SCN4A: variants seen among roughly 807,000 people sequenced by gnomAD.
The protein encoded by SCN4A is sodium voltage-gated channel alpha subunit 4.
A neutral mutation model predicts 162.0 loss-of-function variants in SCN4A; 83 were observed. The observed-to-expected ratio is 0.51, with a 90% CI of 0.43 to 0.61. The LOEUF (loss-of-function observed/expected upper bound fraction) is 0.61, where lower values mean the gene tolerates loss of function less well. SCN4A is among the 20% of genes least tolerant of loss of function. The pLI, the probability that SCN4A is intolerant of heterozygous loss-of-function variation, is 0.00. For synonymous variants in SCN4A, 944 were observed against 985.1 expected (o/e 0.96, Z 0.78); for missense variants, 2,196 against 2,462.5 (o/e 0.89, Z 2.29).
At position 63,951,120 on chromosome 17, in the gene SCN4A, A is replaced by G. The variant is rs1281375628; in HGVS notation, c.2853+304T>C. On this transcript the variant is annotated intron_variant, in intron 14 of 23. Transcript: ENST00000435607. This position sits in a 1 kb window ranked among gnomAD's most constrained non-coding sequence, Gnocchi z 4.5. Reference sequence around the variant, plus strand: ...GCTGCGGTGCCCAGGTAAAAGCAGCATGTCCAAGGGCACCACCTGCTGGTG... The same window carrying G: ...GCTGCGGTGCCCAGGTAAAAGCAGCGTGTCCAAGGGCACCACCTGCTGGTG... Among the ~76,000 whole-genome samples, 2 of 152,214 alleles carry G rather than the reference A, an allele frequency of 1.3e-5. No homozygotes were observed. Among genetic ancestry groups the G allele is most frequent in the African/African-American group, 4.8e-5 (2 of 41,434 alleles).
chr17:63,972,750 C>G lies in SCN4A; in HGVS notation c.92G>C (p.Arg31Pro), dbSNP rs112142736. 1 of 1,613,776 alleles carries G rather than the reference C, an allele frequency of 6.2e-7. No homozygotes were observed. The highest frequency in any genetic ancestry group is 8.5e-7 in the Non-Finnish European group (1 of 1,179,828). ...CAGCCGGGCCTCCTCCTCCACCGCC[C>G]GCTGTTCTATGGCTGCCAGTGACTC... Reference protein sequence around the residue: ...TRESLAAIEQRAVEEEARLQR... With the variant: ...TRESLAAIEQPAVEEEARLQR... Residue 31 changes from arginine to proline, a missense_variant, in exon 1 of 24, where the codon CGG becomes CCG. By Grantham distance (103) the Arg-to-Pro change is moderately radical. Transcript: ENST00000435607. This position sits in a 1 kb window ranked among gnomAD's most constrained non-coding sequence, Gnocchi z 4.3.
At chr17:63,963,141 T>C (rs1169987834) in intron 10 of SCN4A, among the ~76,000 whole-genome samples, 2 of 152,234 alleles carry the variant, frequency 1.3e-5, no homozygotes, top group Non-Finnish European at 2.9e-5. Context: ...TCGTGTCGTG[T>C]CTATTCACCC....
rs1297965202 is a variant in SCN4A, at chr17:63,966,543, C to G, written c.1038G>C (p.Gly346=). The G allele has an allele frequency of 6.2e-7, 1 of 1,613,580 alleles. No homozygotes were observed. Among genetic ancestry groups the G allele is most frequent in the South Asian group, 1.1e-5 (1 of 91,062 alleles). The change falls in exon 7 of 24, where the codon GGG becomes GGC. Residue 346 remains glycine, a splice_region_variant and synonymous_variant. Coordinates refer to ENST00000435607, the MANE Select transcript of SCN4A (RefSeq NM_000334.4). The part of the protein sequence containing the change: ...FDWDAYISDE[G]NFYFLEGSND... The stretch of plus-strand genomic sequence containing the variant: ...TGGAGCCCTCCAGGAAGTAGAAGTT[C>G]CCTTTGGGAGTCAGAGGCCACAAAG...
rs374278037 is a variant in SCN4A, at chr17:63,941,742, C to T, written c.4540G>A (p.Asp1514Asn). 17 of 1,613,940 alleles carry T rather than the reference C, an allele frequency of 1.1e-5. No individual in the cohort carries two copies. Among genetic ancestry groups the T allele is most frequent in the Admixed American group, 1.7e-5 (1 of 59,982 alleles). Residue 1514 changes from aspartate (D) to asparagine (N), a missense_variant, in exon 24 of 24, where the codon GAT becomes AAT. Transcript: ENST00000435607. This position sits in a 1 kb window ranked among gnomAD's most constrained non-coding sequence, Gnocchi z 6.2. ...FAYVKKESGIDDMFNFETFGN... is the reference protein window; with the variant it reads ...FAYVKKESGINDMFNFETFGN... Reference sequence around the variant, plus strand: ...AAGGTCTCGAAGTTGAACATATCATCGATGCCCGACTCCTTCTTGACGTAG... The same window carrying T: ...AAGGTCTCGAAGTTGAACATATCATTGATGCCCGACTCCTTCTTGACGTAG...
At chr17:63,967,876 T>A (rs546594132) in intron 6 of SCN4A, 147 bp downstream of exon 6, 5 of 688,426 alleles carry the variant, frequency 7.3e-6, no homozygotes, top group Non-Finnish European at 1.2e-5. Flanking sequence ...GAGGTTGTAG[T>A]GAGCTGAGAT....
rs1909346195 is a variant in SCN4A, at chr17:63,963,781, G to A, written c.1497C>T (p.Asp499=). 4 of 1,607,088 alleles carry A rather than the reference G, an allele frequency of 2.5e-6. No homozygotes were observed. The highest frequency in any genetic ancestry group is 1.3e-5 in the African/African-American group (1 of 74,814). The part of the protein sequence containing the change: ...QALEGGEADG[D]PAHGKDCNGS... ...CATTGCAGTCTTTGCCATGGGCTGG[G>A]TCCCCATCTGCCTCCCCACCTTCCA... Residue 499 remains aspartate, a synonymous_variant, in exon 10 of 24, where the codon GAC becomes GAT. Coordinates refer to ENST00000435607, the MANE Select transcript of SCN4A (RefSeq NM_000334.4).
At position 63,951,251 on chromosome 17, in the gene SCN4A, G is replaced by A. The variant is rs1055228310; in HGVS notation, c.2853+173C>T. Among the ~76,000 whole-genome samples the A allele has an allele frequency of 6.6e-6, 1 of 152,192 alleles. No homozygotes were observed. Among genetic ancestry groups the A allele is most frequent in the Non-Finnish European group, 1.5e-5 (1 of 68,032 alleles). On this transcript the variant is annotated intron_variant, in intron 14 of 23. Transcript: ENST00000435607. The surrounding 1 kb of genome is among the most constrained non-coding windows in gnomAD (Gnocchi z 4.5). ...GATAGTGACTGCCACCACTCACAGGGCGCGGACTGCATGCTTTACATACAG... is the reference window on the plus strand; with the variant it reads ...GATAGTGACTGCCACCACTCACAGGACGCGGACTGCATGCTTTACATACAG...
At chr17:63,954,116 CCTTGGCCGTCTCCTCGG>C (rs1909000117) in intron 13 of SCN4A, among the ~76,000 whole-genome samples, 1 of 152,214 alleles carries the variant, frequency 6.6e-6, no homozygotes, top group Non-Finnish European at 1.5e-5. Flanking sequence ...GATCCGCCAC[CCTTGGCCGTCTCCTCGG>C]CGGGTCTCAC....
Position 63,966,470 on chromosome 17 carries a change from GC to G in SCN4A, c.1100+10del, listed in dbSNP as rs112822408. On this transcript the variant is annotated intron_variant, in intron 7 of 23. Transcript: ENST00000435607. ...TGGGGTGCCTTTTCTGCATCCCTTA[GC>G]ATCACTCACCCAGCATCACTGCTGT... The G allele has an allele frequency of 3.6e-5, 58 of 1,612,558 alleles. 1 individual carries two copies. The Middle Eastern group carries it at 4.9e-4, about 14-fold the overall frequency.
Position 63,949,516 on chromosome 17 carries a change from G to A in SCN4A, c.2866C>T (p.Pro956Ser). 6.2e-7 allele frequency: 1 copy of A among 1,608,554 alleles called. No homozygotes were observed. The highest frequency in any genetic ancestry group is 8.5e-7 in the Non-Finnish European group (1 of 1,176,124). Residue 956 changes from proline to serine, a missense_variant, in exon 15 of 24, where the codon CCT becomes TCT. Physicochemically the swap from Pro to Ser is moderately conservative, Grantham distance 74. Transcript: ENST00000435607. ...ACGGACGAGTTCCCATCATAGAGAG[G>A]CTGCGGCGGCTTCTGCGGAGGCCAC... ...EPEDSKKPPQ[P>S]LYDGNSSVCS...
In SCN4A at chr17:63,940,550, C is replaced by T; in HGVS notation, c.*221G>A. ...AAATCTTGGAGGCAGGGGCCTCAGA[C>T]CCAGCATGGAGCCCCTGAGCGCAAT... On this transcript the variant is annotated 3_prime_UTR_variant, in exon 24 of 24. Coordinates refer to ENST00000435607, the MANE Select transcript of SCN4A (RefSeq NM_000334.4). The T allele has an allele frequency of 2.0e-6, 1 of 503,820 alleles. No individual in the cohort carries two copies. Among genetic ancestry groups the T allele is most frequent in the Non-Finnish European group, 3.4e-6 (1 of 293,862 alleles). 31.2% of individuals were successfully genotyped at this position (503,820 alleles called of 1,614,324 possible). A position where few individuals can be genotyped will look rare whatever the true frequency, so the allele number is the denominator to read the frequency against.
rs1409428633 is a variant in SCN4A at position 63,951,215 on chromosome 17, A to G, written c.2853+209T>C. Among the ~76,000 whole-genome samples the G allele has an allele frequency of 6.6e-6, 1 of 152,184 alleles. No individual in the cohort carries two copies. The highest frequency in any genetic ancestry group is 6.5e-5 in the Admixed American group (1 of 15,286). ...ACAGACAGGGTTGATCATAATAACC[A>G]CATCAATAACGATAGTGACTGCCAC... On this transcript the variant is annotated intron_variant, in intron 14 of 23. Coordinates refer to ENST00000435607, the MANE Select transcript of SCN4A (RefSeq NM_000334.4). The surrounding 1 kb of genome is among the most constrained non-coding windows in gnomAD (Gnocchi z 4.5).
chr17:63,951,468 T>C lies in SCN4A; in HGVS notation c.2809A>G (p.Thr937Ala), dbSNP rs752396330. ...GAGAAAGTGTCGGTTTCCTCCTCGG[T>C]GGGCATCTCCAGGTCGGACTCCTCG... ...ASEESDLEMPTEEETDTFSEP... is the reference protein window; with the variant it reads ...ASEESDLEMPAEEETDTFSEP... The change falls in exon 14 of 24, where the codon ACC becomes GCC. Residue 937 changes from threonine (T) to alanine (A), a missense_variant. Transcript: ENST00000435607. This position sits in a 1 kb window ranked among gnomAD's most constrained non-coding sequence, Gnocchi z 4.5. The C allele has an allele frequency of 1.9e-6, 3 of 1,607,640 alleles. No homozygotes were observed. Among genetic ancestry groups the C allele is most frequent in the East Asian group, 2.2e-5 (1 of 44,684 alleles).
chr17:63,966,434 T>A, intron 7 of SCN4A, 47 bp downstream of exon 7: 6 of 1,571,038 alleles, frequency 3.8e-6, no homozygotes, highest in Non-Finnish European at 5.3e-6. Context: ...GCTCCCACCT[T>A]CCAAGACCCC....
intron 12 of SCN4A, 31 bp from the exon 13 acceptor site, chr17:63,957,549 G>A: frequency 6.6e-7 from 1 of 1,524,344 alleles, no homozygotes. Context: ...GGGTGAATGA[G>A]GCCCAGGGAC....
intron 10 of SCN4A, 37 bp downstream of exon 10, chr17:63,963,635 C>G (rs1325904613): frequency 6.6e-7 from 1 of 1,510,710 alleles, no homozygotes; most frequent in Non-Finnish European, 8.8e-7. Context: ...CAGGCTCCAC[C>G]CCTACCTAAG....
chr17:63,946,391 A>AGAAATTTG (rs1428341814), intron 18 of SCN4A, among the ~76,000 whole-genome samples: 1 of 151,548 alleles, frequency 6.6e-6, no homozygotes, highest in Non-Finnish European at 1.5e-5. Context: ...CTAGATTTGC[A>AGAAATTTG]GAAATTTGTC....
At position 63,938,670 on chromosome 17, in the gene SCN4A, AG is replaced by A. The variant is rs1908424591; in HGVS notation, c.*2100del. On this transcript the variant is annotated 3_prime_UTR_variant, in exon 24 of 24. Coordinates refer to ENST00000435607, the MANE Select transcript of SCN4A (RefSeq NM_000334.4). ...AGGAATGGGCATCCGTCTGCAGGGG[AG>A]GGGCCACAGGCAGGGAGAGGCCGGA... 1 of 153,034 alleles carries A rather than the reference AG, an allele frequency of 6.5e-6. No individual in the cohort carries two copies. Among genetic ancestry groups the A allele is most frequent in the Non-Finnish European group, 1.5e-5 (1 of 68,362 alleles). 9.5% of individuals were successfully genotyped at this position (153,034 alleles called of 1,614,324 possible).
chr17:63,958,685 T>G lies in SCN4A; in HGVS notation c.2019+580A>C, dbSNP rs577280523. ...CTCCTGCCTCAGCCTCCCAAGTAGC[T>G]GGGATTACAGGCGTGCGCCACCAAG... On this transcript the variant is annotated intron_variant, in intron 12 of 23. Transcript: ENST00000435607. Among the ~76,000 whole-genome samples the G allele has an allele frequency of 2.6e-5, 4 of 152,298 alleles. No individual in the cohort carries two copies. In the East Asian group the frequency reaches 7.7e-4, roughly 29 times the overall value.
Sources: allele counts gnomAD v4.1 joint callset (sites outside exome capture counted in the v4.1 genomes callset), GRCh38; gene constraint gnomAD v4.1.1; non-coding constraint Gnocchi (gnomAD v3.1); transcripts MANE v1.5; gene names NCBI Gene and HGNC (gene_info 2026-07-23, HGNC 2026-07-21).